The following PLCB4 variants were observed in gnomAD, a reference collection of about 807,000 sequenced individuals.
The protein encoded by PLCB4 is phospholipase C beta 4, also known as 1-phosphatidylinositol 4,5-bisphosphate phosphodiesterase beta-4.
In PLCB4, 77 loss-of-function variants were observed where a neutral mutation model predicts 178.8. That is an observed-to-expected ratio of 0.43 (90% CI 0.36 to 0.52). The LOEUF (loss-of-function observed/expected upper bound fraction) is 0.52. Among genes scored for constraint, PLCB4 ranks in the 20% least tolerant of loss-of-function variants. The pLI is 0.00. For missense variants in PLCB4, 1,024 were observed against 1,453.4 expected (o/e 0.70, Z 4.80); for synonymous variants, 496 against 490.8 (o/e 1.01, Z -0.14).
At chr20:9,270,311 C>A (rs965678994) in intron 3 of PLCB4, among the ~76,000 whole-genome samples, 1 of 152,036 alleles carries the variant, frequency 6.6e-6, no homozygotes, top group African/African-American at 2.4e-5. Flanking sequence ...CCAAAAAATT[C>A]TTGTCTGTTG....
intron 2 of PLCB4, among the ~76,000 whole-genome samples, chr20:9,203,187 GC>G (rs2093572150): frequency 1.3e-5 from 2 of 151,276 alleles, no homozygotes; most frequent in Admixed American, 1.3e-4. Flanking sequence ...TCACTTACTG[GC>G]TAGTAGATAC....
chr20:9,386,480 AT>A (rs887582295), intron 14 of PLCB4, among the ~76,000 whole-genome samples: 1 of 151,818 alleles, frequency 6.6e-6, no homozygotes, highest in Non-Finnish European at 1.5e-5. Flanking sequence ...ACAATACTTT[AT>A]TTTTTTAATT....
At chr20:9,120,196 A>C (rs537228640) in intron 2 of PLCB4, among the ~76,000 whole-genome samples, 1 of 152,292 alleles carries the variant, frequency 6.6e-6, no homozygotes, top group East Asian at 1.9e-4. Context: ...TCTTCTCCTG[A>C]GTGCCTACTG....
intron 1 of PLCB4, among the ~76,000 whole-genome samples, chr20:9,082,148 A>T (rs2090184412): frequency 6.6e-6 from 1 of 152,184 alleles, no homozygotes; most frequent in South Asian, 2.1e-4. Context: ...TTGGAAATTT[A>T]GGAACAAAAT....
rs543522716 is a variant in PLCB4, at chr20:9,230,887, A to T, written c.-16+13435A>T. On this transcript the variant is annotated intron_variant, in intron 3 of 39. Coordinates refer to ENST00000378473, the MANE Select transcript of PLCB4 (RefSeq NM_001377142.1). ...AGGCAAGTCACAGGCCAGCCCAGAG[A>T]TTCAAGAGGTGAGGAAATAGACCTT... 4.3e-4 allele frequency among the ~76,000 whole-genome samples: 66 copies of T among 152,270 alleles called. 1 individual carries two copies. Among genetic ancestry groups the T allele is most frequent in the African/African-American group, 1.5e-3 (62 of 41,564 alleles).
chr20:9,344,003 C>CT (rs2033530640), intron 7 of PLCB4, among the ~76,000 whole-genome samples: 4 of 152,218 alleles, frequency 2.6e-5, no homozygotes, highest in Admixed American at 2.6e-4. Context: ...TAACTGGTCT[C>CT]TTTTCCTTAG....
intron 21 of PLCB4, among the ~76,000 whole-genome samples, chr20:9,407,193 T>C (rs1826766729): frequency 6.6e-6 from 1 of 152,152 alleles, no homozygotes. Flanking sequence ...GCAGACTCAC[T>C]TCAACAGAAA....
chr20:9,231,750 T>C (rs980925767), intron 3 of PLCB4, among the ~76,000 whole-genome samples: 7 of 152,186 alleles, frequency 4.6e-5, no homozygotes, highest in African/African-American at 1.7e-4. Context: ...CAGATTCTTA[T>C]ATAGTTAAAC....
intron 7 of PLCB4, among the ~76,000 whole-genome samples, chr20:9,349,358 C>T (rs1321195049): frequency 6.6e-6 from 1 of 152,160 alleles, no homozygotes; most frequent in African/African-American, 2.4e-5. Context: ...CACACACTTT[C>T]CTTTTTATAT....
chr20:9,081,078 C>T (rs6077482), intron 1 of PLCB4, among the ~76,000 whole-genome samples: 94,106 of 151,980 alleles, frequency 0.62, 29,285 homozygotes, highest in South Asian at 0.72. Context: ...ATCTGTGCCT[C>T]CATTCATGTC....
chr20:9,372,448 T>C, intron 11 of PLCB4, 45 bp downstream of exon 11: 1 of 953,838 alleles, frequency 1.0e-6, no homozygotes, highest in Non-Finnish European at 1.6e-6. Flanking sequence ...ATTATCACTG[T>C]CCTTTTCGAT....
At chr20:9,085,309 C>T (rs1315795872) in intron 1 of PLCB4, among the ~76,000 whole-genome samples, 5 of 152,046 alleles carry the variant, frequency 3.3e-5, no homozygotes, top group Admixed American at 3.3e-4. Context: ...CTGGTTTGGT[C>T]ATTTGAGTTT....
chr20:9,382,698 A>G (rs2037249282), intron 13 of PLCB4, among the ~76,000 whole-genome samples: 1 of 152,208 alleles, frequency 6.6e-6, no homozygotes, highest in Admixed American at 6.5e-5. Context: ...TATTTAACAC[A>G]GCATCCTGCC....
chr20:9,244,885 T>G (rs1053837926), intron 3 of PLCB4, among the ~76,000 whole-genome samples: 5 of 152,194 alleles, frequency 3.3e-5, no homozygotes, highest in African/African-American at 9.7e-5. Flanking sequence ...GTATTTAGTC[T>G]TCTTCTTGAG....
intron 30 of PLCB4, among the ~76,000 whole-genome samples, chr20:9,437,488 GA>G (rs1434017100): frequency 2.0e-5 from 3 of 152,320 alleles, no homozygotes; most frequent in African/African-American, 7.2e-5. Flanking sequence ...CTTACCTGTA[GA>G]TGAAACAAAA....
At chr20:9,216,379 G>C (rs550859264) in intron 2 of PLCB4, among the ~76,000 whole-genome samples, 1 of 152,024 alleles carries the variant, frequency 6.6e-6, no homozygotes, top group East Asian at 1.9e-4. Flanking sequence ...CACCATGCCC[G>C]GCTAATTTTT....
chr20:9,459,906 A>T, intron 35 of PLCB4, 96 bp downstream of exon 35: 1 of 738,740 alleles, frequency 1.4e-6, no homozygotes, highest in Non-Finnish European at 2.3e-6. Flanking sequence ...AGTGAAATCA[A>T]TTTGACGTAC....
intron 2 of PLCB4, among the ~76,000 whole-genome samples, chr20:9,204,555 G>A (rs533729652): frequency 1.1e-3 from 160 of 152,084 alleles, no homozygotes; most frequent in Middle Eastern, 3.4e-3. Flanking sequence ...TAGAGACGGG[G>A]TTTTGCCATG....
At chr20:9,138,174 C>T (rs1221015096) in intron 2 of PLCB4, among the ~76,000 whole-genome samples, 1 of 152,020 alleles carries the variant, frequency 6.6e-6, no homozygotes, top group East Asian at 1.9e-4. Context: ...GGAAGGTGTG[C>T]ATTTCCTGGT....
Sources: gnomAD v4.1 joint callset for allele counts (sites outside exome capture counted in the v4.1 genomes callset) on GRCh38, gnomAD v4.1.1 for gene constraint, MANE v1.5 for transcripts, NCBI Gene and HGNC (gene_info 2026-07-23, HGNC 2026-07-21) for gene names.